The following SLC15A2 variants were observed in gnomAD, a reference collection of about 807,000 sequenced individuals.
SLC15A2 encodes the protein solute carrier family 15 member 2.
SLC15A2 carries 77 observed loss-of-function variants against 95.5 expected under a neutral mutation model. The ratio of observed to expected loss-of-function variants is 0.81; its 90% CI spans 0.67 to 0.97. SLC15A2 has a LOEUF of 0.97. Among genes scored for constraint, SLC15A2 ranks in the 50% least tolerant of loss-of-function variants. The pLI, the probability that SLC15A2 is intolerant of heterozygous loss-of-function variation, is 0.00. For missense variants in SLC15A2, 893 were observed against 874.4 expected (o/e 1.02, Z -0.27); for synonymous variants, 306 against 306.9 (o/e 1.00, Z 0.03).
intron 19 of SLC15A2, among the ~76,000 whole-genome samples, chr3:121,938,472 C>G (rs917142494): frequency 5.3e-5 from 8 of 152,220 alleles, no homozygotes; most frequent in Non-Finnish European, 7.3e-5. Flanking sequence ...CGTGGTGCGC[C>G]GTTTTTTAAG....
Position 121,924,957 on chromosome 3 carries a change from C to T in SLC15A2, c.1048C>T (p.Leu350Phe), listed in dbSNP as rs2257212. The stretch of plus-strand genomic sequence containing the variant: ...CATGGTGTTACAGGTTCTAAATCCC[C>T]TTCTGGTTCTTATCTTCATCCCGTT... ...QPDQMQVLNP[L>F]LVLIFIPLFD... Residue 350 changes from leucine (L) to phenylalanine (F), a missense_variant, in exon 13 of 22, where the codon CTT (leucine) becomes TTT (phenylalanine). By Grantham distance (22) the Leu-to-Phe change is conservative. Transcript: ENST00000489711. The T allele has an allele frequency of 0.45, 728,305 of 1,605,712 alleles. 170,349 individuals carry two copies. Among genetic ancestry groups the T allele is most frequent in the East Asian group, 0.72 (32,242 of 44,802 alleles).
intron 3 of SLC15A2, among the ~76,000 whole-genome samples, chr3:121,899,801 A>G (rs1293212469): frequency 2.0e-5 from 3 of 152,202 alleles, no homozygotes; most frequent in Non-Finnish European, 2.9e-5. Context: ...GTACAATAAG[A>G]TATACTGTAA....
rs999889336 is a variant in SLC15A2 at position 121,900,389 on chromosome 3, G to T, written c.335+2860G>T. Among the ~76,000 whole-genome samples, 5 of 152,096 alleles carry T rather than the reference G, an allele frequency of 3.3e-5. 1 individual carries two copies. Among genetic ancestry groups the T allele is most frequent in the African/African-American group, 1.2e-4 (5 of 41,420 alleles). On this transcript the variant is annotated intron_variant, in intron 3 of 21. Coordinates refer to ENST00000489711, the MANE Select transcript of SLC15A2 (RefSeq NM_021082.4). Reference sequence around the variant, plus strand: ...GTCTTTAAATTGAGATATTAAAATGGACATCTAAAATGTTTTTACTGCTTC... The same window carrying T: ...GTCTTTAAATTGAGATATTAAAATGTACATCTAAAATGTTTTTACTGCTTC...
chr3:121,896,981 G>A (rs1029852110), intron 2 of SLC15A2, among the ~76,000 whole-genome samples: 2 of 148,692 alleles, frequency 1.3e-5, no homozygotes, highest in African/African-American at 4.9e-5. Context: ...CCTCAGGTAT[G>A]AGCTAACAGC....
intron 7 of SLC15A2, among the ~76,000 whole-genome samples, chr3:121,918,276 A>C (rs1378906691): frequency 6.6e-6 from 1 of 152,204 alleles, no homozygotes; most frequent in Non-Finnish European, 1.5e-5. Flanking sequence ...GCCAAGGTTT[A>C]ATGTAGTGTT....
intron 1 of SLC15A2, among the ~76,000 whole-genome samples, chr3:121,895,627 A>G (rs762833773): frequency 1.4e-4 from 22 of 152,228 alleles, no homozygotes; most frequent in Non-Finnish European, 2.8e-4. Context: ...CTGAGGACAG[A>G]TACCTCTATG....
At chr3:121,918,671 A>G (rs942939325) in intron 7 of SLC15A2, among the ~76,000 whole-genome samples, 1 of 152,236 alleles carries the variant, frequency 6.6e-6, no homozygotes, top group African/African-American at 2.4e-5. Context: ...AGGAATGGCC[A>G]AAGTGGTAAT....
chr3:121,897,818 T>G (rs1709448284), intron 3 of SLC15A2, among the ~76,000 whole-genome samples: 1 of 152,242 alleles, frequency 6.6e-6, no homozygotes, highest in South Asian at 2.1e-4. Flanking sequence ...AGTTTAATAT[T>G]AAATCTTGCT....
At chr3:121,901,122 G>A (rs759732483) in intron 3 of SLC15A2, among the ~76,000 whole-genome samples, 1 of 151,958 alleles carries the variant, frequency 6.6e-6, no homozygotes, top group Non-Finnish European at 1.5e-5. Context: ...AGGTCCAAGC[G>A]ATTCTCCTGC....
intron 19 of SLC15A2, among the ~76,000 whole-genome samples, chr3:121,935,750 G>T (rs1338284451): frequency 6.6e-5 from 10 of 151,826 alleles, no homozygotes; most frequent in Non-Finnish European, 1.5e-4. Flanking sequence ...AGGGTTTTTT[G>T]TGTCTCTATT....
intron 17 of SLC15A2, among the ~76,000 whole-genome samples, 176 bp from the exon 18 acceptor site, chr3:121,930,664 C>T (rs1013625875): frequency 9.2e-5 from 14 of 152,228 alleles, no homozygotes; most frequent in Admixed American, 6.5e-4. Flanking sequence ...TTACTTTTTA[C>T]GTGTGGGTTC....
intron 4 of SLC15A2, 110 bp from the exon 5 acceptor site, chr3:121,912,911 A>T: frequency 1.4e-6 from 1 of 701,814 alleles, no homozygotes. Flanking sequence ...TAGAAATGTG[A>T]AGGGGATCTT....
chr3:121,923,307 T>G, intron 11 of SLC15A2, 41 bp downstream of exon 11: 1 of 1,578,464 alleles, frequency 6.3e-7, no homozygotes, highest in South Asian at 1.1e-5. Flanking sequence ...ATTATTTTCT[T>G]CATCATCCAT....
chr3:121,909,048 TTTTA>T (rs756743644), intron 3 of SLC15A2, among the ~76,000 whole-genome samples: 6 of 151,934 alleles, frequency 3.9e-5, no homozygotes, highest in Non-Finnish European at 8.8e-5. Flanking sequence ...TTATTTTTAT[TTTTA>T]TTTATTTATT....
At chr3:121,920,789 G>T (rs1376251173) in intron 7 of SLC15A2, among the ~76,000 whole-genome samples, 1 of 152,214 alleles carries the variant, frequency 6.6e-6, no homozygotes, top group Non-Finnish European at 1.5e-5. Flanking sequence ...ATATTAAAAA[G>T]TGATGGGAGA....
At chr3:121,899,709 T>C (rs1392280794) in intron 3 of SLC15A2, among the ~76,000 whole-genome samples, 1 of 152,190 alleles carries the variant, frequency 6.6e-6, no homozygotes, top group Non-Finnish European at 1.5e-5. Context: ...CAAGGAACCA[T>C]GGAGGATGAA....
chr3:121,917,553 T>G (rs1027540053), intron 7 of SLC15A2, among the ~76,000 whole-genome samples: 6 of 152,080 alleles, frequency 3.9e-5, no homozygotes, highest in African/African-American at 1.4e-4. Flanking sequence ...CCGAGTATGA[T>G]GGCGCACACC....
intron 5 of SLC15A2, 35 bp downstream of exon 5, chr3:121,913,155 T>C: frequency 1.3e-6 from 2 of 1,532,294 alleles, no homozygotes; most frequent in Non-Finnish European, 1.8e-6. Context: ...TTCAAGAATA[T>C]AGAGCCAGCA....
At chr3:121,906,323 C>CT (rs1709643781) in intron 3 of SLC15A2, among the ~76,000 whole-genome samples, 1 of 152,206 alleles carries the variant, frequency 6.6e-6, no homozygotes, top group Admixed American at 6.5e-5. Context: ...ATTTGCCACT[C>CT]TATGTCTTTT....
Sources: gnomAD v4.1 joint callset for allele counts (sites outside exome capture counted in the v4.1 genomes callset) on GRCh38, gnomAD v4.1.1 for gene constraint, MANE v1.5 for transcripts, NCBI Gene and HGNC (gene_info 2026-07-23, HGNC 2026-07-21) for gene names.